PABPC4L: variants seen among roughly 807,000 people sequenced by gnomAD.
PABPC4L encodes poly(A) binding protein cytoplasmic 4 like, also known as polyadenylate-binding protein 4-like.
For synonymous variants in PABPC4L, 169 were observed against 164.1 expected (o/e 1.03, Z -0.23); for missense variants, 452 against 451.4 (o/e 1.00, Z -0.01).
At chr4:134,064,259 T>A in the PABPC4L span, among the ~76,000 whole-genome samples, 2 of 151,958 alleles carry the variant, frequency 1.3e-5, no homozygotes, top group African/African-American at 4.8e-5. Context: ...CAAAAAGAAA[T>A]TAAGTTAATC....
At chr4:133,952,180 G>A in the PABPC4L span, among the ~76,000 whole-genome samples, 143 of 152,206 alleles carry the variant, frequency 9.4e-4, 1 homozygote, top group African/African-American at 3.2e-3. Context: ...CCTCCAGGAC[G>A]TTTTCTAAGA....
In PABPC4L at chr4:134,200,487, C is replaced by CG; in HGVS notation, c.532dup (p.Arg178ProfsTer2). On this transcript the variant is annotated frameshift_variant, in exon 2 of 2. Transcript: ENST00000421491. LOFTEE classifies it low-confidence loss of function (END_TRUNC). ...GGCTTTGCTTCTGAGTTCAGCTTCA[C>CG]GATCTTTTCGGTTTTTGAATCTGCC... 2 of 1,551,612 alleles carry CG rather than the reference C, an allele frequency of 1.3e-6. No homozygotes were observed. Among genetic ancestry groups the CG allele is most frequent in the Non-Finnish European group, 1.7e-6 (2 of 1,146,980 alleles).
chr4:134,067,774 AT>A, the PABPC4L span, among the ~76,000 whole-genome samples: 1 of 151,938 alleles, frequency 6.6e-6, no homozygotes, highest in Non-Finnish European at 1.5e-5. Context: ...CCTTAATTTT[AT>A]TGTTTGTCCA....
the PABPC4L span, among the ~76,000 whole-genome samples, chr4:134,028,375 G>C: frequency 4.0e-5 from 6 of 151,412 alleles, no homozygotes; most frequent in African/African-American, 1.5e-4. Context: ...AGCCTCCTCA[G>C]CTCTTCATTT....
the PABPC4L span, among the ~76,000 whole-genome samples, chr4:134,135,660 C>T: frequency 2.0e-5 from 3 of 151,880 alleles, no homozygotes; most frequent in Non-Finnish European, 4.4e-5. Context: ...GGAGAAACTC[C>T]GTCTCTACTG....
At chr4:134,074,379 T>C in the PABPC4L span, among the ~76,000 whole-genome samples, 1 of 152,180 alleles carries the variant, frequency 6.6e-6, no homozygotes, top group African/African-American at 2.4e-5. Context: ...CTGTTGGCAT[T>C]TTGGTCAAAG....
At chr4:134,169,625 G>A in the PABPC4L span, among the ~76,000 whole-genome samples, 2 of 151,588 alleles carry the variant, frequency 1.3e-5, no homozygotes, top group African/African-American at 4.8e-5. Context: ...ACAAAAACCA[G>A]TAGCACTGCA....
the PABPC4L span, among the ~76,000 whole-genome samples, chr4:134,146,436 A>T: frequency 6.6e-6 from 1 of 152,012 alleles, no homozygotes; most frequent in South Asian, 2.1e-4. Context: ...AGTTTGGAGA[A>T]TGAGAAAAAA....
the PABPC4L span, among the ~76,000 whole-genome samples, chr4:134,118,356 G>T: frequency 6.6e-5 from 10 of 151,670 alleles, no homozygotes; most frequent in Non-Finnish European, 1.5e-4. Flanking sequence ...AGGTCTATGT[G>T]GAATAGCACA....
At chr4:134,010,892 T>A in the PABPC4L span, among the ~76,000 whole-genome samples, 3 of 152,160 alleles carry the variant, frequency 2.0e-5, no homozygotes, top group African/African-American at 7.2e-5. Flanking sequence ...GTTATCTGTT[T>A]AGACAGCCCT....
the PABPC4L span, among the ~76,000 whole-genome samples, chr4:134,188,951 T>C: frequency 3.9e-5 from 6 of 152,070 alleles, no homozygotes; most frequent in African/African-American, 9.7e-5. Flanking sequence ...ACACCTTCTG[T>C]AGTCCCATAG....
chr4:133,971,272 C>T, the PABPC4L span, among the ~76,000 whole-genome samples: 2 of 151,986 alleles, frequency 1.3e-5, no homozygotes, highest in Middle Eastern at 3.4e-3. Context: ...CCACCACGCC[C>T]GGCTAATTTT....
chr4:133,985,847 A>G, the PABPC4L span, among the ~76,000 whole-genome samples: 1 of 152,054 alleles, frequency 6.6e-6, no homozygotes, highest in Non-Finnish European at 1.5e-5. Context: ...TGAATGTACC[A>G]TATAATATTA....
chr4:134,075,860 A>G, the PABPC4L span, among the ~76,000 whole-genome samples: 1 of 152,186 alleles, frequency 6.6e-6, no homozygotes, highest in Admixed American at 6.5e-5. Flanking sequence ...CTCTGCAAGC[A>G]TGTATCCATT....
chr4:134,113,510 A>C, the PABPC4L span, among the ~76,000 whole-genome samples: 4 of 151,978 alleles, frequency 2.6e-5, no homozygotes, highest in Non-Finnish European at 5.9e-5. Flanking sequence ...GCTGTATTAT[A>C]GCTTAGATGT....
chr4:133,956,891 G>A, the PABPC4L span, among the ~76,000 whole-genome samples: 1 of 152,120 alleles, frequency 6.6e-6, no homozygotes, highest in African/African-American at 2.4e-5. Flanking sequence ...ATCATAAGAA[G>A]AGCATGTGGG....
chr4:134,029,726 G>A, the PABPC4L span, among the ~76,000 whole-genome samples: 44 of 150,892 alleles, frequency 2.9e-4, no homozygotes, highest in African/African-American at 1.0e-3. Context: ...TTTAATTCTG[G>A]ACATTTATAT....
the PABPC4L span, among the ~76,000 whole-genome samples, chr4:133,989,639 C>T: frequency 3.3e-5 from 5 of 152,066 alleles, no homozygotes; most frequent in Admixed American, 6.6e-5. Flanking sequence ...AACTTTCCCA[C>T]GTTGTTCTGT....
the PABPC4L span, among the ~76,000 whole-genome samples, chr4:134,022,400 C>T: frequency 5.3e-5 from 8 of 152,106 alleles, no homozygotes; most frequent in African/African-American, 1.2e-4. Flanking sequence ...AAAGACGTTA[C>T]GAATAAAACA....
Sources: allele counts gnomAD v4.1 joint callset (sites outside exome capture counted in the v4.1 genomes callset), GRCh38; gene constraint gnomAD v4.1.1; transcripts MANE v1.5; gene names NCBI Gene and HGNC (gene_info 2026-07-23, HGNC 2026-07-21).